The following ZNF608 variants were observed in gnomAD, a reference collection of about 807,000 sequenced individuals.
ZNF608 encodes zinc finger protein 608.
ZNF608 carries 12 observed loss-of-function variants against 109.0 expected under a neutral mutation model. The observed-to-expected ratio is 0.11, with a 90% CI of 0.07 to 0.18. ZNF608 has a LOEUF of 0.18. Among genes scored for constraint, ZNF608 ranks in the 10% least tolerant of loss-of-function variants. The pLI is 1.00. For missense variants in ZNF608, 1,707 were observed against 1,879.3 expected (o/e 0.91, Z 1.70); for synonymous variants, 732 against 717.4 (o/e 1.02, Z -0.33).
chr5:124,681,174 C>T, intron 3 of ZNF608, among the ~76,000 whole-genome samples: 1 of 152,160 alleles, frequency 6.6e-6, no homozygotes, highest in Admixed American at 6.5e-5. Context: ...AATCCCAGGC[C>T]AGGTGCGGTG....
At chr5:124,643,486 T>C (rs892877021) in intron 7 of ZNF608, 25 bp downstream of exon 7, 8 of 1,611,070 alleles carry the variant, frequency 5.0e-6, no homozygotes, top group Non-Finnish European at 6.8e-6. Context: ...ACAGTACTTT[T>C]AAATAACAAC....
At chr5:124,677,986 T>C (rs140341414) in intron 3 of ZNF608, among the ~76,000 whole-genome samples, 1 of 152,272 alleles carries the variant, frequency 6.6e-6, no homozygotes, top group East Asian at 1.9e-4. Context: ...CCCCAATATA[T>C]GGTAATTAAT....
At chr5:124,734,230 G>A (rs1027792096) in intron 2 of ZNF608, among the ~76,000 whole-genome samples, 1 of 152,178 alleles carries the variant, frequency 6.6e-6, no homozygotes, top group African/African-American at 2.4e-5. Context: ...TACATTAAGA[G>A]TAGCACCTTT....
intron 3 of ZNF608, among the ~76,000 whole-genome samples, chr5:124,660,299 A>C (rs58850319): frequency 5.6e-4 from 85 of 152,268 alleles, no homozygotes; most frequent in African/African-American, 1.9e-3. Context: ...GGAAACAAGG[A>C]ATATGAATGT....
At chr5:124,668,818 A>T (rs920982424) in intron 3 of ZNF608, among the ~76,000 whole-genome samples, 1 of 152,174 alleles carries the variant, frequency 6.6e-6, no homozygotes, top group Non-Finnish European at 1.5e-5. Context: ...TTAAGACAAG[A>T]CTTCCTTGAG....
intron 2 of ZNF608, among the ~76,000 whole-genome samples, chr5:124,741,306 A>G (rs1368135588): frequency 1.3e-5 from 2 of 151,914 alleles, no homozygotes; most frequent in South Asian, 2.1e-4. Context: ...CAGAATAAAC[A>G]GACCAAAAAT....
chr5:124,704,725 T>C (rs1753190246), intron 2 of ZNF608, among the ~76,000 whole-genome samples: 1 of 152,138 alleles, frequency 6.6e-6, no homozygotes, highest in South Asian at 2.1e-4. Flanking sequence ...ACTGCAGCCT[T>C]GCCACGTGAC....
rs532280245 is a variant in ZNF608, at chr5:124,700,056, A to T, written c.1162+958T>A. On this transcript the variant is annotated intron_variant, in intron 3 of 9. Transcript: ENST00000513986. The stretch of plus-strand genomic sequence containing the variant: ...GATATCAACAACTGTCATCTCCCTT[A>T]TCTTTGACCGATCTAACTTACAGAG... 3.9e-5 allele frequency among the ~76,000 whole-genome samples: 6 copies of T among 152,060 alleles called. No individual in the cohort carries two copies. In the East Asian group the frequency reaches 1.2e-3, roughly 29 times the overall value.
intron 2 of ZNF608, among the ~76,000 whole-genome samples, chr5:124,725,180 C>A (rs1475610755): frequency 1.3e-5 from 2 of 152,076 alleles, no homozygotes; most frequent in African/African-American, 4.8e-5. Flanking sequence ...TACTCAGGTC[C>A]CTACTCAAAC....
chr5:124,718,486 C>T (rs1453027678), intron 2 of ZNF608, among the ~76,000 whole-genome samples: 1 of 152,182 alleles, frequency 6.6e-6, no homozygotes, highest in East Asian at 1.9e-4. Context: ...GATAACACTG[C>T]TGTCTAATCA....
chr5:124,744,864 C>T lies in ZNF608; in HGVS notation c.126G>A (p.Glu42=). Residue 42 remains glutamate, a synonymous_variant, in exon 2 of 10, where the codon GAG becomes GAA. Coordinates refer to ENST00000513986, the MANE Select transcript of ZNF608 (RefSeq NM_020747.3). The surrounding 1 kb of genome is among the most constrained non-coding windows in gnomAD (Gnocchi z 4.5). ...TCATCTCAAATTTCTGTCTGTCCTT[C>T]TCCAAATCAGCGTCCAAATCAATTA... The part of the protein sequence containing the change: ...NLIIDLDADL[E]KDRQKFEMNN... 6.2e-7 allele frequency: 1 copy of T among 1,614,214 alleles called. No individual in the cohort carries two copies. The highest frequency in any genetic ancestry group is 8.5e-7 in the Non-Finnish European group (1 of 1,180,034).
chr5:124,656,083 C>G (rs1750992118), intron 3 of ZNF608, among the ~76,000 whole-genome samples: 1 of 152,032 alleles, frequency 6.6e-6, no homozygotes, highest in Non-Finnish European at 1.5e-5. Context: ...TTTGAAGAGT[C>G]ACTTTAAACA....
intron 3 of ZNF608, among the ~76,000 whole-genome samples, chr5:124,680,750 GA>G (rs780644989): frequency 1.3e-5 from 2 of 152,110 alleles, no homozygotes; most frequent in Non-Finnish European, 2.9e-5. Context: ...ATAAAAAGAA[GA>G]AATTAGAAAA....
intron 3 of ZNF608, among the ~76,000 whole-genome samples, chr5:124,663,571 T>C (rs1397263888): frequency 1.3e-5 from 2 of 152,254 alleles, no homozygotes; most frequent in Admixed American, 1.3e-4. Flanking sequence ...TTTGGTTTTA[T>C]ACACAGCTTT....
intron 5 of ZNF608, among the ~76,000 whole-genome samples, 169 bp from the exon 6 acceptor site, chr5:124,644,830 T>C (rs1309524850): frequency 6.6e-6 from 1 of 152,184 alleles, no homozygotes; most frequent in Non-Finnish European, 1.5e-5. Flanking sequence ...CTCCTTCTCT[T>C]ACAAAGTAAT....
chr5:124,712,206 TG>T lies in ZNF608; in HGVS notation c.907-10938del, dbSNP rs1258074461. Among the ~76,000 whole-genome samples, 14 of 150,792 alleles carry T rather than the reference TG, an allele frequency of 9.3e-5. No individual in the cohort carries two copies. In the East Asian group the frequency reaches 2.7e-3, roughly 30 times the overall value. ...AGAAGACCTGGCACCCGTGGTGGGG[TG>T]GGGGGATAGGGAGGAGAGATCAGAC... On this transcript the variant is annotated intron_variant, in intron 2 of 9. Coordinates refer to ENST00000513986, the MANE Select transcript of ZNF608 (RefSeq NM_020747.3).
intron 3 of ZNF608, among the ~76,000 whole-genome samples, chr5:124,657,708 T>A (rs1751077487): frequency 6.6e-6 from 1 of 151,804 alleles, no homozygotes; most frequent in Admixed American, 6.6e-5. Context: ...CAAAAACAGA[T>A]CATTAGAGAT....
At chr5:124,724,301 G>A (rs1754051878) in intron 2 of ZNF608, among the ~76,000 whole-genome samples, 1 of 151,670 alleles carries the variant, frequency 6.6e-6, no homozygotes. Context: ...CAGTCTGGGG[G>A]GCATAAGGGG....
chr5:124,651,884 C>T (rs1019825040), intron 3 of ZNF608, among the ~76,000 whole-genome samples: 2 of 152,246 alleles, frequency 1.3e-5, no homozygotes, highest in Non-Finnish European at 2.9e-5. Context: ...GGCTAGAGGG[C>T]CGCCTGCGCT....
Sources: allele counts gnomAD v4.1 joint callset (sites outside exome capture counted in the v4.1 genomes callset), GRCh38; gene constraint gnomAD v4.1.1; non-coding constraint Gnocchi (gnomAD v3.1); transcripts MANE v1.5; gene names NCBI Gene and HGNC (gene_info 2026-07-23, HGNC 2026-07-21).